The following PAK5 variants were observed in gnomAD, a reference collection of about 807,000 sequenced individuals.
PAK5 encodes the protein serine/threonine-protein kinase PAK 5.
PAK5 carries 16 observed loss-of-function variants against 65.9 expected under a neutral mutation model. The ratio of observed to expected loss-of-function variants is 0.24; its 90% CI spans 0.16 to 0.37. The LOEUF (loss-of-function observed/expected upper bound fraction) is 0.37. Among genes scored for constraint, PAK5 ranks in the 10% least tolerant of loss-of-function variants. PAK5 has a pLI of 1.00. For missense variants in PAK5, 785 were observed against 903.9 expected, an observed-to-expected ratio of 0.87 and a Z score of 1.69; for synonymous variants, 371 against 354.9, an observed-to-expected ratio of 1.05 and a Z score of -0.51.
At chr20:9,745,192 T>C (rs930163793) in intron 1 of PAK5, among the ~76,000 whole-genome samples, 1 of 152,152 alleles carries the variant, frequency 6.6e-6, no homozygotes, top group Non-Finnish European at 1.5e-5. Flanking sequence ...TAGCGATTAA[T>C]TGAAAGTTGT....
At position 9,838,307 on chromosome 20, in the gene PAK5, G is replaced by A. The variant is rs1253332956; in HGVS notation, c.-162+455C>T. 6.6e-6 allele frequency among the ~76,000 whole-genome samples: 1 copy of A among 152,092 alleles called. No individual in the cohort carries two copies. Among genetic ancestry groups the A allele is most frequent in the Non-Finnish European group, 1.5e-5 (1 of 68,024 alleles). ...CCTGCCAAAAGACAAAAACCATGCG[G>A]GAATCCTGCTCTGGCAATATGTCCA... On this transcript the variant is annotated intron_variant, in intron 1 of 9. Coordinates refer to ENST00000353224, the MANE Select transcript of PAK5 (RefSeq NM_177990.4). This position sits in a 1 kb window ranked among gnomAD's most constrained non-coding sequence, Gnocchi z 4.5.
chr20:9,692,920 G>A (rs2047817035), intron 2 of PAK5, among the ~76,000 whole-genome samples: 2 of 151,666 alleles, frequency 1.3e-5, no homozygotes, highest in East Asian at 1.9e-4. Context: ...ACCAACACAC[G>A]AACTCACAAA....
At chr20:9,649,317 G>A (rs557282282) in intron 2 of PAK5, among the ~76,000 whole-genome samples, 1 of 152,186 alleles carries the variant, frequency 6.6e-6, no homozygotes, top group Non-Finnish European at 1.5e-5. Context: ...AGTTCCTAGA[G>A]AAGGATAGTA....
intron 1 of PAK5, among the ~76,000 whole-genome samples, chr20:9,767,196 T>A (rs1018538492): frequency 2.6e-5 from 4 of 152,198 alleles, no homozygotes; most frequent in Non-Finnish European, 5.9e-5. Context: ...TTACTCATTT[T>A]GATTTTGGAT....
chr20:9,834,228 T>A (rs954795829), intron 1 of PAK5, among the ~76,000 whole-genome samples: 4 of 152,210 alleles, frequency 2.6e-5, no homozygotes, highest in Non-Finnish European at 4.4e-5. Context: ...AATCTGAAAT[T>A]GAAGCCACTT....
rs141964955 is a variant in PAK5, at chr20:9,561,090, A to C, written c.1616+1801T>G. Among the ~76,000 whole-genome samples the C allele has an allele frequency of 1.7e-4, 26 of 152,316 alleles. No individual in the cohort carries two copies. In the East Asian group the frequency reaches 5.0e-3, roughly 29 times the overall value. On this transcript the variant is annotated intron_variant, in intron 6 of 9. Coordinates refer to ENST00000353224, the MANE Select transcript of PAK5 (RefSeq NM_177990.4). ...AGGAAGCTCTCTGAATTCTGAGTTT[A>C]AGATTTCGAATACCAAGTATTCATG...
chr20:9,610,543 G>T (rs904390375), intron 3 of PAK5, among the ~76,000 whole-genome samples: 2 of 152,152 alleles, frequency 1.3e-5, no homozygotes, highest in African/African-American at 4.8e-5. Context: ...AGCAAACAAG[G>T]GATGTACCTG....
intron 1 of PAK5, among the ~76,000 whole-genome samples, chr20:9,786,110 G>T (rs780395381): frequency 3.9e-5 from 6 of 152,108 alleles, no homozygotes; most frequent in Non-Finnish European, 8.8e-5. Flanking sequence ...GATTCCAGCA[G>T]GATGAAGACA....
intron 1 of PAK5, among the ~76,000 whole-genome samples, chr20:9,746,561 A>G (rs189086530): frequency 7.4e-4 from 112 of 152,304 alleles, no homozygotes; most frequent in Middle Eastern, 3.4e-3. Flanking sequence ...GTGCCATCCA[A>G]TAGAATTTTC....
chr20:9,697,248 C>A (rs1221639744), intron 2 of PAK5, among the ~76,000 whole-genome samples: 1 of 152,084 alleles, frequency 6.6e-6, no homozygotes, highest in African/African-American at 2.4e-5. Context: ...TAAGTCAGAA[C>A]ACTGCCCATC....
intron 3 of PAK5, among the ~76,000 whole-genome samples, chr20:9,613,580 G>C (rs550095911): frequency 2.0e-5 from 3 of 152,184 alleles, no homozygotes; most frequent in South Asian, 4.1e-4. Flanking sequence ...CAGGAGGAGG[G>C]AAAAAGAAAC....
intron 3 of PAK5, among the ~76,000 whole-genome samples, chr20:9,610,506 C>A (rs1332945192): frequency 2.0e-5 from 3 of 152,110 alleles, no homozygotes; most frequent in East Asian, 1.9e-4. Flanking sequence ...TACTTAAGAT[C>A]ATATATATTA....
chr20:9,759,367 C>T (rs988840061), intron 1 of PAK5, among the ~76,000 whole-genome samples: 1 of 152,100 alleles, frequency 6.6e-6, no homozygotes, highest in African/African-American at 2.4e-5. Context: ...TTATGGGAAA[C>T]TTCTATTTGG....
intron 3 of PAK5, among the ~76,000 whole-genome samples, chr20:9,632,384 G>A (rs985015695): frequency 1.3e-5 from 2 of 152,152 alleles, no homozygotes; most frequent in East Asian, 1.9e-4. Flanking sequence ...AGTGGCACAC[G>A]TTTGAAAGCT....
intron 3 of PAK5, among the ~76,000 whole-genome samples, chr20:9,587,055 A>G (rs2046081999): frequency 6.6e-6 from 1 of 152,192 alleles, no homozygotes; most frequent in South Asian, 2.1e-4. Flanking sequence ...TTAATACAGT[A>G]ATATGTGTAA....
chr20:9,664,916 A>G (rs892289569), intron 2 of PAK5, among the ~76,000 whole-genome samples: 2 of 151,980 alleles, frequency 1.3e-5, no homozygotes, highest in Non-Finnish European at 2.9e-5. Flanking sequence ...TTTTGGTACT[A>G]CAACTTGTGA....
At chr20:9,548,426 G>A (rs2045378123) in intron 7 of PAK5, among the ~76,000 whole-genome samples, 2 of 151,558 alleles carry the variant, frequency 1.3e-5, no homozygotes, top group Admixed American at 6.6e-5. Context: ...TGTGCACAAT[G>A]TGCAGGTTAG....
At chr20:9,616,760 C>T (rs967723493) in intron 3 of PAK5, among the ~76,000 whole-genome samples, 3 of 152,158 alleles carry the variant, frequency 2.0e-5, no homozygotes, top group Non-Finnish European at 4.4e-5. Context: ...GGCCTGATAA[C>T]CTTCCCTATT....
At chr20:9,687,507 C>T (rs1257375699) in intron 2 of PAK5, among the ~76,000 whole-genome samples, 4 of 152,046 alleles carry the variant, frequency 2.6e-5, no homozygotes, top group African/African-American at 9.7e-5. Context: ...CACTGCCTAC[C>T]AAAAATATTA....
Sources: allele counts gnomAD v4.1 joint callset (sites outside exome capture counted in the v4.1 genomes callset), GRCh38; gene constraint gnomAD v4.1.1; non-coding constraint Gnocchi (gnomAD v3.1); transcripts MANE v1.5; gene names NCBI Gene and HGNC (gene_info 2026-07-23, HGNC 2026-07-21).